Variants in CPNE3 observed in about 807,000 individuals in gnomAD.
CPNE3 encodes the protein copine 3.
A neutral mutation model predicts 63.9 loss-of-function variants in CPNE3; 68 were observed. The observed-to-expected ratio is 1.06, with a 90% CI of 0.87 to 1.30. CPNE3 has a LOEUF of 1.30. CPNE3 is among the 50% of genes most tolerant of loss of function. The pLI is 0.00. For synonymous variants in CPNE3, 219 were observed against 197.5 expected (o/e 1.11, Z -0.91); for missense variants, 665 against 578.1 (o/e 1.15, Z -1.54).
rs532626923 is a variant in CPNE3, at chr8:86,532,527, A to T, written c.406A>T (p.Lys136Ter). ...CTCATAGATTTCAGCTGAAGAAATA[A>T]AAGATAATAGAGTGGTCTTGTTTGA... ...GSITISAEEIKDNRVVLFEME... is the reference protein window; with the variant it reads ...GSITISAEEI Residue 136 changes from lysine (K) to a stop codon, truncating the protein, a stop_gained, in exon 6 of 17, where the codon AAA becomes TAA. Coordinates refer to ENST00000517490, the MANE Select transcript of CPNE3 (RefSeq NM_003909.5). LOFTEE classifies it high-confidence loss of function. The T allele has an allele frequency of 6.2e-7, 1 of 1,612,276 alleles. No individual in the cohort carries two copies. The highest frequency in any genetic ancestry group is 1.1e-5 in the South Asian group (1 of 90,692).
intron 2 of CPNE3, among the ~76,000 whole-genome samples, chr8:86,525,310 T>A (rs911722530): frequency 6.6e-6 from 1 of 152,232 alleles, no homozygotes; most frequent in African/African-American, 2.4e-5. Context: ...GTGGATAAAG[T>A]ATACTATTGC....
At chr8:86,550,029 T>C (rs1264999288) in intron 12 of CPNE3, among the ~76,000 whole-genome samples, 1 of 152,218 alleles carries the variant, frequency 6.6e-6, no homozygotes, top group Non-Finnish European at 1.5e-5. Flanking sequence ...CAAAACACTT[T>C]CCAGATGAGT....
At chr8:86,519,745 C>T (rs1019836348) in intron 2 of CPNE3, among the ~76,000 whole-genome samples, 8 of 152,102 alleles carry the variant, frequency 5.3e-5, no homozygotes, top group African/African-American at 1.9e-4. Context: ...TGGAATTTGG[C>T]TCTTTTTGCC....
At chr8:86,526,097 C>T (rs1322646943) in intron 2 of CPNE3, among the ~76,000 whole-genome samples, 5 of 152,198 alleles carry the variant, frequency 3.3e-5, no homozygotes, top group Middle Eastern at 3.4e-3. Flanking sequence ...CGGGCGGTGG[C>T]GGGCACCTGA....
intron 16 of CPNE3, among the ~76,000 whole-genome samples, 185 bp downstream of exon 16, chr8:86,556,523 A>T (rs1821330113): frequency 6.6e-6 from 1 of 152,236 alleles, no homozygotes; most frequent in Non-Finnish European, 1.5e-5. Flanking sequence ...TGCTTCTTGC[A>T]GGCTATATGA....
intron 4 of CPNE3, 150 bp from the exon 5 acceptor site, chr8:86,531,005 T>A: frequency 1.7e-6 from 1 of 595,854 alleles, no homozygotes; most frequent in South Asian, 2.0e-5. Flanking sequence ...AATATGTAGA[T>A]GATCTAAATC....
chr8:86,547,732 C>A lies in CPNE3; in HGVS notation c.841C>A (p.Leu281Ile). 2.2e-6 allele frequency: 3 copies of A among 1,351,028 alleles called. No individual in the cohort carries two copies. The highest frequency in any genetic ancestry group is 3.2e-6 in the Non-Finnish European group (3 of 944,474). The allele number at this position is 1,351,028 out of a possible 1,614,324, so 83.7% of individuals were successfully genotyped here. ...QCEITVECTFLDYIMGGCQLN... is the reference protein window; with the variant it reads ...QCEITVECTFIDYIMGGCQLN... ...TTAGATTACAGTAGAATGCACATTCCTTGACTATATAATGGGAGGATGTCA... is the reference window on the plus strand; with the variant it reads ...TTAGATTACAGTAGAATGCACATTCATTGACTATATAATGGGAGGATGTCA... Residue 281 changes from leucine to isoleucine, a missense_variant, in exon 11 of 17, where the codon CTT becomes ATT. Transcript: ENST00000517490.
chr8:86,531,596 A>G (rs1338817023), intron 5 of CPNE3, among the ~76,000 whole-genome samples: 1 of 152,040 alleles, frequency 6.6e-6, no homozygotes, highest in African/African-American at 2.4e-5. Flanking sequence ...ACATGACAGA[A>G]ATTTTCCCTA....
intron 3 of CPNE3, 43 bp from the exon 4 acceptor site, chr8:86,528,902 C>T (rs1820602470): frequency 6.5e-7 from 1 of 1,546,622 alleles, no homozygotes; most frequent in Non-Finnish European, 8.8e-7. Context: ...CCAAGTGCAC[C>T]TTTGATCTGA....
In CPNE3 at chr8:86,556,268, TC is replaced by T. The variant is rs1296278546; in HGVS notation, c.1423del (p.Arg475AlafsTer133). 2 of 873,046 alleles carry T rather than the reference TC, an allele frequency of 2.3e-6. No individual in the cohort carries two copies. Among genetic ancestry groups the T allele is most frequent in the Non-Finnish European group, 4.0e-6 (2 of 501,694 alleles). The allele number at this position is 873,046 out of a possible 1,614,324, so 54.1% of individuals were successfully genotyped here. Reference protein sequence around the residue: ...MEFLDGDGGSLRSPLGEVAIR... With the variant: ...MEFLDGDGGSXRSPLGEVAIR... ...TTTCTGGATGGTGATGGTGGAAGTC[TC>T]CGCTCCCCATTGGGCGAAGTGGCCA... On this transcript the variant is annotated frameshift_variant, in exon 16 of 17. Coordinates refer to ENST00000517490, the MANE Select transcript of CPNE3 (RefSeq NM_003909.5). LOFTEE classifies it high-confidence loss of function.
At chr8:86,530,305 G>T (rs1396942344) in intron 4 of CPNE3, among the ~76,000 whole-genome samples, 1 of 151,964 alleles carries the variant, frequency 6.6e-6, no homozygotes, top group African/African-American at 2.4e-5. Flanking sequence ...AAGTAGCTAG[G>T]ACTATAAGCA....
At chr8:86,558,153 T>A in intron 16 of CPNE3, 135 bp from the exon 17 acceptor site, 1 of 637,206 alleles carries the variant, frequency 1.6e-6, no homozygotes, top group Non-Finnish European at 2.8e-6. Context: ...TCATGGGCGG[T>A]TCCTAAGAAA....
chr8:86,519,329 A>G (rs965707563), intron 2 of CPNE3, among the ~76,000 whole-genome samples: 3 of 152,232 alleles, frequency 2.0e-5, no homozygotes, highest in African/African-American at 7.2e-5. Context: ...TGATAAAGAG[A>G]AGGTAAAACT....
At chr8:86,514,733 G>C (rs1319104316) in intron 1 of CPNE3, 192 bp downstream of exon 1, 1 of 152,198 alleles carries the variant, frequency 6.6e-6, no homozygotes, top group Non-Finnish European at 1.5e-5. Flanking sequence ...GTCGCGGGGA[G>C]GCTCCCGAGC....
Position 86,539,568 on chromosome 8 carries a change from TA to T in CPNE3, c.544-676del, listed in dbSNP as rs1233821944. Among the ~76,000 whole-genome samples the T allele has an allele frequency of 5.3e-5, 8 of 152,232 alleles. No individual in the cohort carries two copies. The East Asian group carries it at 1.5e-3, about 29-fold the overall frequency. ...CCAATTCAATTCCAACATAGTTTCT[TA>T]TTCTATATTTACCTTTTCTTATTTC... On this transcript the variant is annotated intron_variant, in intron 7 of 16. Coordinates refer to ENST00000517490, the MANE Select transcript of CPNE3 (RefSeq NM_003909.5).
In CPNE3 at chr8:86,528,668, G is replaced by A. The variant is rs772586019; in HGVS notation, c.123G>A (p.Gln41=). Residue 41 remains glutamine (Q), a synonymous_variant, in exon 3 of 17, where the codon CAG becomes CAA. Coordinates refer to ENST00000517490, the MANE Select transcript of CPNE3 (RefSeq NM_003909.5). Reference sequence around the variant, plus strand: ...TGTTTTTGAATACAAGTGGTCAACAGTGGTATGAGGTAATGTCAAATACTT... The same window carrying A: ...TGTTTTTGAATACAAGTGGTCAACAATGGTATGAGGTAATGTCAAATACTT... ...CVLFLNTSGQ[Q]WYEVERTERI... 14 of 1,611,748 alleles carry A rather than the reference G, an allele frequency of 8.7e-6. No individual in the cohort carries two copies. The South Asian group carries it at 8.8e-5, about 10-fold the overall frequency.
At chr8:86,556,551 G>A (rs1433866136) in intron 16 of CPNE3, among the ~76,000 whole-genome samples, 2 of 152,228 alleles carry the variant, frequency 1.3e-5, no homozygotes, top group East Asian at 1.9e-4. Context: ...TTTTAAAATA[G>A]TATTGTGACT....
At chr8:86,541,844 A>G (rs988473326) in intron 8 of CPNE3, among the ~76,000 whole-genome samples, 1 of 152,192 alleles carries the variant, frequency 6.6e-6, no homozygotes. Context: ...TCCGAAATAA[A>G]TAGTTGAAAA....
At chr8:86,520,242 C>A (rs1820402595) in intron 2 of CPNE3, among the ~76,000 whole-genome samples, 1 of 152,152 alleles carries the variant, frequency 6.6e-6, no homozygotes, top group Non-Finnish European at 1.5e-5. Flanking sequence ...ATTGACTCAA[C>A]TCTTAGGTTT....
Sources: allele counts gnomAD v4.1 joint callset (sites outside exome capture counted in the v4.1 genomes callset), GRCh38; gene constraint gnomAD v4.1.1; transcripts MANE v1.5; gene names NCBI Gene and HGNC (gene_info 2026-07-23, HGNC 2026-07-21).